The following CAGE1 variants were observed in gnomAD, a reference collection of about 807,000 sequenced individuals.
CAGE1 encodes the protein cancer-associated gene 1 protein.
CAGE1 carries 66 observed loss-of-function variants against 94.9 expected under a neutral mutation model. The ratio of observed to expected loss-of-function variants is 0.70; its 90% CI spans 0.57 to 0.85. CAGE1 has a LOEUF of 0.85. Ranked by LOEUF, CAGE1 falls within the 40% of genes least tolerant of loss-of-function variation. CAGE1 has a pLI of 0.00. For missense variants in CAGE1, 865 were observed against 950.4 expected, an observed-to-expected ratio of 0.91 and a Z score of 1.18; for synonymous variants, 319 against 321.0, an observed-to-expected ratio of 0.99 and a Z score of 0.07.
intron 11 of CAGE1, among the ~76,000 whole-genome samples, chr6:7,349,362 A>C (rs1175083055): frequency 6.6e-6 from 1 of 152,368 alleles, no homozygotes; most frequent in East Asian, 1.9e-4. Flanking sequence ...ACAAATGCTG[A>C]GAGAATTCCC....
Position 7,373,204 on chromosome 6 carries a change from C to A in CAGE1, c.1615G>T (p.Glu539Ter), listed in dbSNP as rs1482505651. The A allele has an allele frequency of 6.2e-7, 1 of 1,612,790 alleles. No individual in the cohort carries two copies. The change falls in exon 5 of 14, where the codon GAA becomes TAA. Residue 539 changes from glutamate to a stop codon, truncating the protein, a stop_gained. Transcript: ENST00000502583. LOFTEE classifies it high-confidence loss of function. Reference sequence around the variant, plus strand: ...AGTTTTGCATTCTCATTTTTTACTTCGTTGATTTGCTGCTGAAGTTTTATA... The same window carrying A: ...AGTTTTGCATTCTCATTTTTTACTTAGTTGATTTGCTGCTGAAGTTTTATA... ...KNIKLQQQINEVKNENAKLKQ... is the reference protein window; with the variant it reads ...KNIKLQQQIN
chr6:7,358,430 T>C (rs140490029), intron 9 of CAGE1, among the ~76,000 whole-genome samples: 1 of 152,278 alleles, frequency 6.6e-6, no homozygotes, highest in Non-Finnish European at 1.5e-5. Flanking sequence ...TATTTACCCA[T>C]TCACCTGTAG....
At chr6:7,345,653 C>G (rs1171796902) in intron 11 of CAGE1, among the ~76,000 whole-genome samples, 3 of 152,126 alleles carry the variant, frequency 2.0e-5, no homozygotes, top group Non-Finnish European at 2.9e-5. Flanking sequence ...ACAGGCCCGG[C>G]GCAGTGGCTC....
At chr6:7,347,281 C>T (rs1321689599) in intron 11 of CAGE1, 4 of 152,192 alleles carry the variant, frequency 2.6e-5, no homozygotes, top group African/African-American at 9.7e-5. Context: ...GCCCAAACTG[C>T]AGAAGTGGGA....
intron 4 of CAGE1, 61 bp from the exon 5 acceptor site, chr6:7,374,192 C>A: frequency 1.4e-6 from 2 of 1,380,050 alleles, no homozygotes; most frequent in South Asian, 2.6e-5. Context: ...GCTTTCAAGT[C>A]AAATAGGGCT....
intron 4 of CAGE1, among the ~76,000 whole-genome samples, chr6:7,376,840 A>G (rs1246395310): frequency 1.3e-5 from 2 of 151,956 alleles, no homozygotes; most frequent in South Asian, 2.1e-4. Flanking sequence ...ACTTCTACCC[A>G]TCCTTTAGAG....
chr6:7,333,601 G>GT lies in CAGE1; in HGVS notation c.2438+420dup, dbSNP rs5874091. 5.0e-3 allele frequency among the ~76,000 whole-genome samples: 711 copies of GT among 142,068 alleles called. 4 individuals are homozygous for GT. Among genetic ancestry groups the GT allele is most frequent in the Non-Finnish European group, 7.6e-3 (495 of 64,804 alleles). 93.2% of individuals were successfully genotyped at this position (142,068 alleles called of 152,430 possible). A position where few individuals can be genotyped will look rare whatever the true frequency, so the allele number is the denominator to read the frequency against. Reference sequence around the variant, plus strand: ...ACCTTAAATTGAGATAAGGAAAAGAGTTTTTTTTTTTAAGTATTATCTAAC... The same window carrying GT: ...ACCTTAAATTGAGATAAGGAAAAGAGTTTTTTTTTTTTAAGTATTATCTAAC... On this transcript the variant is annotated intron_variant, in intron 12 of 13. Coordinates refer to ENST00000502583, the MANE Select transcript of CAGE1 (RefSeq NM_001170692.2).
chr6:7,352,848 G>T (rs1759833471), intron 11 of CAGE1, among the ~76,000 whole-genome samples: 1 of 152,092 alleles, frequency 6.6e-6, no homozygotes, highest in Non-Finnish European at 1.5e-5. Flanking sequence ...CTGCATCTAG[G>T]AGAATAAAAC....
intron 11 of CAGE1, among the ~76,000 whole-genome samples, chr6:7,344,873 C>G (rs2764069): frequency 0.41 from 61,694 of 151,960 alleles, 12,705 homozygotes; most frequent in Admixed American, 0.47. Flanking sequence ...ACCTTTGTGT[C>G]GACACTCTGT....
chr6:7,387,455 C>G (rs1330351696), intron 1 of CAGE1, among the ~76,000 whole-genome samples: 2 of 152,134 alleles, frequency 1.3e-5, no homozygotes, highest in Admixed American at 6.5e-5. Flanking sequence ...GAAGGGATCT[C>G]TGTGTTATTT....
intron 11 of CAGE1, among the ~76,000 whole-genome samples, chr6:7,353,926 CT>C (rs969093055): frequency 3.3e-5 from 5 of 151,840 alleles, no homozygotes; most frequent in Admixed American, 2.0e-4. Flanking sequence ...ATATAATGGA[CT>C]CTGGGGACTT....
rs972613244 is a variant in CAGE1 at position 7,355,075 on chromosome 6, G to C, written c.2335C>G (p.Gln779Glu). 1 of 1,607,122 alleles carries C rather than the reference G, an allele frequency of 6.2e-7. No homozygotes were observed. Among genetic ancestry groups the C allele is most frequent in the African/African-American group, 1.3e-5 (1 of 74,606 alleles). The change falls in exon 11 of 14, where the codon CAA (glutamine) becomes GAA (glutamate). Residue 779 changes from glutamine to glutamate, a missense_variant. Transcript: ENST00000502583. ...TGGGAGTGGGATATTGCAAGCCTTT[G>C]GTCAGCACATTCAATGATTTCTTCA... ...SYEEIIECAD[Q>E]RLAISHSQIA...
At chr6:7,331,243 A>G (rs1415817389) in intron 12 of CAGE1, 2 of 533,642 alleles carry the variant, frequency 3.7e-6, no homozygotes, top group Non-Finnish European at 6.3e-6. Flanking sequence ...ACAGAATTAC[A>G]TCTGTAATTA....
At chr6:7,344,493 C>G (rs1759341370) in intron 11 of CAGE1, among the ~76,000 whole-genome samples, 1 of 152,262 alleles carries the variant, frequency 6.6e-6, no homozygotes, top group Admixed American at 6.5e-5. Context: ...CATGCCTGAG[C>G]CTCGCAACCC....
chr6:7,333,624 AAC>A (rs1491560252), intron 12 of CAGE1, among the ~76,000 whole-genome samples: 3 of 93,558 alleles, frequency 3.2e-5, no homozygotes, highest in African/African-American at 1.5e-4. Flanking sequence ...AGTATTATCT[AAC>A]TATCTATCTA....
chr6:7,361,001 T>C (rs892150205), intron 9 of CAGE1, among the ~76,000 whole-genome samples: 18 of 151,986 alleles, frequency 1.2e-4, no homozygotes, highest in Non-Finnish European at 2.5e-4. Context: ...TAAGCCAGAA[T>C]ATATAGAGCA....
chr6:7,376,441 A>G (rs1760748576), intron 4 of CAGE1, among the ~76,000 whole-genome samples: 1 of 149,268 alleles, frequency 6.7e-6, no homozygotes, highest in Non-Finnish European at 1.5e-5. Context: ...AATAAAATAA[A>G]AGTTAGTTTG....
intron 11 of CAGE1, 117 bp downstream of exon 11, chr6:7,354,920 CTTAA>C (rs1463086165): frequency 1.4e-5 from 9 of 663,182 alleles, no homozygotes; most frequent in East Asian, 1.1e-4. Context: ...AAAGAATGAA[CTTAA>C]TTAATAAAAC....
chr6:7,329,951 G>T, intron 12 of CAGE1, 63 bp from the exon 13 acceptor site: 1 of 687,704 alleles, frequency 1.5e-6, no homozygotes, highest in Non-Finnish European at 2.6e-6. Context: ...TAGTGAACAT[G>T]GTGAGCAAGT....
Sources: gnomAD v4.1 joint callset for allele counts (sites outside exome capture counted in the v4.1 genomes callset) on GRCh38, gnomAD v4.1.1 for gene constraint, MANE v1.5 for transcripts, NCBI Gene and HGNC (gene_info 2026-07-23, HGNC 2026-07-21) for gene names.